Variants in TENM2 observed in about 807,000 individuals in gnomAD.
TENM2 encodes teneurin transmembrane protein 2, also known as teneurin-2.
Under a neutral mutation model 245.2 loss-of-function variants are expected in TENM2, and 52 were observed. That is an observed-to-expected ratio of 0.21 (90% CI 0.17 to 0.27). The LOEUF is 0.27. TENM2 is among the 10% of genes least tolerant of loss of function. The pLI, the probability that TENM2 is intolerant of heterozygous loss-of-function variation, is 1.00. For synonymous variants in TENM2, 1,363 were observed against 1,438.9 expected, an observed-to-expected ratio of 0.95 and a Z score of 1.19; for missense variants, 3,046 against 3,666.8, an observed-to-expected ratio of 0.83 and a Z score of 4.37.
At chr5:168,035,963 G>A (rs147374424) in intron 5 of TENM2, among the ~76,000 whole-genome samples, 3 of 152,254 alleles carry the variant, frequency 2.0e-5, no homozygotes, top group African/African-American at 4.8e-5. Context: ...AGAAAGTTTG[G>A]CCTAAAAGAG....
intron 5 of TENM2, among the ~76,000 whole-genome samples, chr5:168,033,481 T>C (rs145063355): frequency 6.6e-6 from 1 of 152,278 alleles, no homozygotes; most frequent in African/African-American, 2.4e-5. Flanking sequence ...ATGAGAAATG[T>C]CTTAAAAGCA....
intron 2 of TENM2, among the ~76,000 whole-genome samples, chr5:167,834,861 A>G (rs1441864963): frequency 1.3e-5 from 2 of 152,084 alleles, no homozygotes. Flanking sequence ...CGTGTTAGCC[A>G]GGATGGTCTC....
intron 1 of TENM2, among the ~76,000 whole-genome samples, chr5:167,332,134 G>T (rs1482204541): frequency 6.6e-6 from 1 of 152,056 alleles, no homozygotes; most frequent in Non-Finnish European, 1.5e-5. Flanking sequence ...TCTAAGATGG[G>T]ATAAGTAGAA....
chr5:167,870,582 T>C (rs1016481183), intron 2 of TENM2, among the ~76,000 whole-genome samples: 5 of 147,358 alleles, frequency 3.4e-5, no homozygotes, highest in Non-Finnish European at 6.0e-5. Flanking sequence ...TGTGTGTATA[T>C]ATATATGTAT....
intron 2 of TENM2, among the ~76,000 whole-genome samples, chr5:167,435,309 T>A (rs1764481361): frequency 6.6e-6 from 1 of 152,184 alleles, no homozygotes. Flanking sequence ...CCTGGTGGGA[T>A]GTGTTTGAAT....
At position 168,090,571 on chromosome 5, in the gene TENM2, C is replaced by G. The variant is rs184718546; in HGVS notation, c.1516-3C>G. 1 of 1,611,582 alleles carries G rather than the reference C, an allele frequency of 6.2e-7. No homozygotes were observed. The highest frequency in any genetic ancestry group is 8.5e-7 in the Non-Finnish European group (1 of 1,179,200). Reference sequence around the variant, plus strand: ...TGCATGGTACTCTCTCTCCTTTTCCCAGTATGACTTCATGGAACGTCTGGA... The same window carrying G: ...TGCATGGTACTCTCTCTCCTTTTCCGAGTATGACTTCATGGAACGTCTGGA... On this transcript the variant is annotated splice_polypyrimidine_tract_variant and splice_region_variant and intron_variant, in intron 7 of 28. Coordinates refer to ENST00000518659, the Ensembl canonical transcript of TENM2.
At chr5:167,208,034 G>A in the TENM2 span, among the ~76,000 whole-genome samples, 15 of 152,292 alleles carry the variant, frequency 9.8e-5, no homozygotes, top group East Asian at 1.9e-4. Context: ...GATTACAGGC[G>A]TGAGCCACCA....
chr5:168,131,910 C>A (rs531507014), intron 12 of TENM2, among the ~76,000 whole-genome samples: 1 of 152,144 alleles, frequency 6.6e-6, no homozygotes, highest in Non-Finnish European at 1.5e-5. Context: ...TTAGAACTAT[C>A]CTTGGAGTTC....
At chr5:168,118,854 CCTAT>C (rs1188994362) in intron 10 of TENM2, among the ~76,000 whole-genome samples, 1 of 152,094 alleles carries the variant, frequency 6.6e-6, no homozygotes, top group Non-Finnish European at 1.5e-5. Context: ...TTTCCCTCGC[CCTAT>C]CTTTCTTCCT....
At chr5:167,375,645 A>C (rs1760704399) in intron 2 of TENM2, among the ~76,000 whole-genome samples, 172 bp downstream of exon 4, 1 of 152,248 alleles carries the variant, frequency 6.6e-6, no homozygotes, top group Non-Finnish European at 1.5e-5. Context: ...CCTCCAGCAC[A>C]CAAGAAATGA....
chr5:167,264,812 G>A, the TENM2 span, among the ~76,000 whole-genome samples: 2 of 152,034 alleles, frequency 1.3e-5, no homozygotes, highest in African/African-American at 2.4e-5. Flanking sequence ...TAATGTTGAC[G>A]ATGTTTGCTT....
At chr5:167,044,307 G>A in the TENM2 span, among the ~76,000 whole-genome samples, 1 of 152,138 alleles carries the variant, frequency 6.6e-6, no homozygotes, top group Non-Finnish European at 1.5e-5. Context: ...AAGTATGATG[G>A]CTCCAGCATC....
intron 2 of TENM2, among the ~76,000 whole-genome samples, chr5:167,687,036 TAA>T (rs1436808696): frequency 2.0e-5 from 3 of 152,154 alleles, no homozygotes; most frequent in Non-Finnish European, 4.4e-5. Flanking sequence ...CAAATACTTG[TAA>T]TTAACAAAAG....
intron 2 of TENM2, among the ~76,000 whole-genome samples, chr5:167,439,876 A>G (rs1395378928): frequency 6.6e-6 from 1 of 152,110 alleles, no homozygotes; most frequent in African/African-American, 2.4e-5. Context: ...ATAAATCACT[A>G]CCGTGGCCAC....
intron 2 of TENM2, among the ~76,000 whole-genome samples, chr5:167,615,201 C>T (rs1439470788): frequency 6.6e-6 from 1 of 151,964 alleles, no homozygotes; most frequent in African/African-American, 2.4e-5. Flanking sequence ...TGTCCTGTTA[C>T]CGTGAATAAT....
At chr5:167,293,490 G>T (rs1419226343) in intron 1 of TENM2, among the ~76,000 whole-genome samples, 8 of 151,678 alleles carry the variant, frequency 5.3e-5, no homozygotes. Context: ...AAAGTGCTGG[G>T]ATTACAGGCA....
At chr5:168,098,005 C>T in intron 8 of TENM2, 21 bp from the exon 11 acceptor site, 2 of 1,576,764 alleles carry the variant, frequency 1.3e-6, no homozygotes, top group South Asian at 2.3e-5. Flanking sequence ...AAGGTAAACA[C>T]TACATTTATC....
intron 2 of TENM2, among the ~76,000 whole-genome samples, chr5:167,391,751 T>C: frequency 6.6e-6 from 1 of 152,026 alleles, no homozygotes; most frequent in Non-Finnish European, 1.5e-5. Flanking sequence ...ATTTTAGACA[T>C]TGTTAAGTAA....
At chr5:168,239,399 T>C (rs1765892153) in intron 25 of TENM2, among the ~76,000 whole-genome samples, 6 of 152,174 alleles carry the variant, frequency 3.9e-5, no homozygotes, top group Admixed American at 3.9e-4. Flanking sequence ...AATTTGCAAG[T>C]AAAAACCCAC....
Sources: gnomAD v4.1 joint callset for allele counts (sites outside exome capture counted in the v4.1 genomes callset) on GRCh38, gnomAD v4.1.1 for gene constraint, MANE v1.5 for transcripts, NCBI Gene and HGNC (gene_info 2026-07-23, HGNC 2026-07-21) for gene names.